Variants in UNC5D observed in about 807,000 individuals in gnomAD.
UNC5D encodes netrin receptor UNC5D.
Under a neutral mutation model 105.4 loss-of-function variants are expected in UNC5D, and 39 were observed. The observed-to-expected ratio is 0.37, with a 90% CI of 0.29 to 0.48. The LOEUF (loss-of-function observed/expected upper bound fraction) is 0.48, where lower values mean the gene tolerates loss of function less well. Among genes scored for constraint, UNC5D ranks in the 20% least tolerant of loss-of-function variants. The pLI is 0.98. For synonymous variants in UNC5D, 452 were observed against 450.4 expected (o/e 1.00, Z -0.04); for missense variants, 991 against 1,202.4 (o/e 0.82, Z 2.60).
In UNC5D at chr8:35,728,095, AATATAT is replaced by A. The variant is rs1554596595; in HGVS notation, c.1681+1577_1681+1582del. 4.5e-5 allele frequency among the ~76,000 whole-genome samples: 5 copies of A among 110,364 alleles called. No homozygotes were observed. The South Asian group carries it at 9.7e-4, about 21-fold the overall frequency. 72.4% of individuals were successfully genotyped at this position (110,364 alleles called of 152,430 possible). A position where few individuals can be genotyped will look rare whatever the true frequency, so the allele number is the denominator to read the frequency against. On this transcript the variant is annotated intron_variant, in intron 10 of 16. Coordinates refer to ENST00000404895, the MANE Select transcript of UNC5D (RefSeq NM_080872.4). ...CTAAAAAAAAAAAAAAAAAAAAAAA[AATATAT>A]ATATATATATGCCATAAAAACAAAA...
rs118029396 is a variant in UNC5D at position 35,755,825 on chromosome 8, C to T, written c.2164-3495C>T. ...TGGAATGAGGTATTTAACAGGAGGT[C>T]CTTGTCACATAGAAGGCAGACTGGA... On this transcript the variant is annotated intron_variant, in intron 13 of 16. Coordinates refer to ENST00000404895, the MANE Select transcript of UNC5D (RefSeq NM_080872.4). Among the ~76,000 whole-genome samples the T allele has an allele frequency of 1.7e-3, 258 of 152,262 alleles. 9 individuals carry two copies. The East Asian group carries it at 0.039, about 23-fold the overall frequency.
intron 1 of UNC5D, among the ~76,000 whole-genome samples, chr8:35,492,292 T>C (rs1160944784): frequency 1.3e-5 from 2 of 152,196 alleles, no homozygotes; most frequent in Non-Finnish European, 2.9e-5. Flanking sequence ...TCATCTGTTT[T>C]CTTTTTATTT....
At position 35,790,726 on chromosome 8, in the gene UNC5D, T is replaced by A; in HGVS notation, c.*163T>A. The A allele has an allele frequency of 1.4e-6, 1 of 693,988 alleles. No individual in the cohort carries two copies. The highest frequency in any genetic ancestry group is 2.4e-6 in the Non-Finnish European group (1 of 414,100). 43.0% of individuals were successfully genotyped at this position (693,988 alleles called of 1,614,324 possible). A position where few individuals can be genotyped will look rare whatever the true frequency, so the allele number is the denominator to read the frequency against. On this transcript the variant is annotated 3_prime_UTR_variant, in exon 17 of 17. Transcript: ENST00000404895. ...AACTAAATTTTATATAGGTAAAACA[T>A]GTTAATAGGGAAGAGTACAAGCTCT...
intron 7 of UNC5D, among the ~76,000 whole-genome samples, chr8:35,700,050 T>C (rs1827081181): frequency 6.6e-6 from 1 of 152,222 alleles, no homozygotes; most frequent in Non-Finnish European, 1.5e-5. Flanking sequence ...CCTGACATAT[T>C]CCGGCATAGT....
chr8:35,626,891 C>T (rs1821728020), intron 4 of UNC5D, among the ~76,000 whole-genome samples: 1 of 151,910 alleles, frequency 6.6e-6, no homozygotes, highest in Non-Finnish European at 1.5e-5. Context: ...TATTCACTTA[C>T]TAAAAATCTG....
At chr8:35,592,562 C>T (rs1178882129) in intron 3 of UNC5D, among the ~76,000 whole-genome samples, 1 of 152,098 alleles carries the variant, frequency 6.6e-6, no homozygotes, top group African/African-American at 2.4e-5. Context: ...AGTTTATTTC[C>T]ATCATGTCTA....
At chr8:35,242,364 G>A (rs1802855583) in intron 1 of UNC5D, among the ~76,000 whole-genome samples, 1 of 152,218 alleles carries the variant, frequency 6.6e-6, no homozygotes, top group African/African-American at 2.4e-5. Context: ...GAAGATGCAA[G>A]AGGCCACAGT....
rs528243160 is a variant in UNC5D, at chr8:35,774,361, C to G, written c.2541C>G (p.Gly847=). The G allele has an allele frequency of 6.2e-7, 1 of 1,614,108 alleles. No homozygotes were observed. Among genetic ancestry groups the G allele is most frequent in the South Asian group, 1.1e-5 (1 of 91,082 alleles). ...ACAGCACTTTCCCTGCACAGACTGG[C>G]CCCAAAGCCTTCAAAATTCCCTACT... is the stretch of plus-strand genomic sequence containing the variant. The part of the protein sequence containing the change: ...QEDSTFPAQT[G]PKAFKIPYSI... Residue 847 remains glycine (G), a synonymous_variant, in exon 16 of 17, where the codon GGC becomes GGG. Transcript: ENST00000404895.
In UNC5D at chr8:35,790,347, C is replaced by T; in HGVS notation, c.2658-12C>T. The T allele has an allele frequency of 6.2e-7, 1 of 1,613,052 alleles. No individual in the cohort carries two copies. The highest frequency in any genetic ancestry group is 8.5e-7 in the Non-Finnish European group (1 of 1,179,290). ...TTCGTTTTGTTCTTTGTGTTTAACT[C>T]TCTCCATCTAGGAATTTATCTTATT... On this transcript the variant is annotated splice_polypyrimidine_tract_variant and intron_variant, in intron 16 of 16. Transcript: ENST00000404895.
At chr8:35,309,971 A>T (rs1184742279) in intron 1 of UNC5D, among the ~76,000 whole-genome samples, 1 of 152,176 alleles carries the variant, frequency 6.6e-6, no homozygotes, top group African/African-American at 2.4e-5. Context: ...TAAGTTATGA[A>T]TTACAATATT....
chr8:35,502,470 T>G (rs557280410), intron 1 of UNC5D, among the ~76,000 whole-genome samples: 1 of 152,304 alleles, frequency 6.6e-6, no homozygotes, highest in East Asian at 1.9e-4. Context: ...CTAACTAAAA[T>G]TATTTCAAAT....
chr8:35,397,054 G>A (rs1286273443), intron 1 of UNC5D, among the ~76,000 whole-genome samples: 1 of 151,586 alleles, frequency 6.6e-6, no homozygotes, highest in Non-Finnish European at 1.5e-5. Context: ...TTACAGGTGT[G>A]TGCCACCACA....
At chr8:35,381,208 C>G (rs2128932393) in intron 1 of UNC5D, among the ~76,000 whole-genome samples, 1 of 152,202 alleles carries the variant, frequency 6.6e-6, no homozygotes, top group South Asian at 2.1e-4. Context: ...GAGAAAACGT[C>G]TAGGAATTTG....
chr8:35,508,649 A>C (rs776096352), intron 1 of UNC5D, among the ~76,000 whole-genome samples: 2 of 152,248 alleles, frequency 1.3e-5, no homozygotes, highest in African/African-American at 4.8e-5. Context: ...AGAAGATTTC[A>C]GAGAGTGAAG....
At chr8:35,281,901 T>G (rs1332011874) in intron 1 of UNC5D, among the ~76,000 whole-genome samples, 1 of 152,200 alleles carries the variant, frequency 6.6e-6, no homozygotes, top group East Asian at 1.9e-4. Flanking sequence ...CTTTTACATT[T>G]TCTGTGTATG....
At chr8:35,551,366 G>A (rs189715526) in intron 2 of UNC5D, among the ~76,000 whole-genome samples, 1 of 152,310 alleles carries the variant, frequency 6.6e-6, no homozygotes, top group East Asian at 1.9e-4. Flanking sequence ...TAATTAGTAG[G>A]TAGAAGAGTA....
At chr8:35,480,370 G>C (rs1353745048) in intron 1 of UNC5D, among the ~76,000 whole-genome samples, 2 of 152,212 alleles carry the variant, frequency 1.3e-5, no homozygotes, top group East Asian at 1.9e-4. Context: ...TTGAAGGAAG[G>C]CTTTGTTTTA....
At chr8:35,306,572 G>A (rs1470387495) in intron 1 of UNC5D, among the ~76,000 whole-genome samples, 1 of 152,030 alleles carries the variant, frequency 6.6e-6, no homozygotes, top group Non-Finnish European at 1.5e-5. Context: ...TTTTTGTCTC[G>A]AAATCTTTAG....
chr8:35,313,628 C>T (rs1399864069), intron 1 of UNC5D, among the ~76,000 whole-genome samples: 1 of 152,158 alleles, frequency 6.6e-6, no homozygotes, highest in Non-Finnish European at 1.5e-5. Flanking sequence ...TTTCAGTTGT[C>T]TCTTTTTGTT....
Sources: allele counts gnomAD v4.1 joint callset (sites outside exome capture counted in the v4.1 genomes callset), GRCh38; gene constraint gnomAD v4.1.1; transcripts MANE v1.5; gene names NCBI Gene and HGNC (gene_info 2026-07-23, HGNC 2026-07-21).